MBOAT2: variants seen among roughly 807,000 people sequenced by gnomAD.
The protein encoded by MBOAT2 is membrane-bound glycerophospholipid O-acyltransferase 2.
MBOAT2 carries 28 observed loss-of-function variants against 63.4 expected under a neutral mutation model. That is an observed-to-expected ratio of 0.44 (90% CI 0.33 to 0.61). The LOEUF (loss-of-function observed/expected upper bound fraction) is 0.61. Among genes scored for constraint, MBOAT2 ranks in the 20% least tolerant of loss-of-function variants. The probability of loss-of-function intolerance (pLI) is 0.03; values close to 1 mark genes in which losing one functional copy is unlikely to be tolerated. For missense variants in MBOAT2, 470 were observed against 605.8 expected (o/e 0.78, Z 2.35); for synonymous variants, 211 against 215.6 (o/e 0.98, Z 0.19).
At chr2:8,960,677 C>T (rs1460593397) in intron 1 of MBOAT2, among the ~76,000 whole-genome samples, 2 of 152,188 alleles carry the variant, frequency 1.3e-5, no homozygotes, top group African/African-American at 2.4e-5. Flanking sequence ...GGACCACACA[C>T]ATACAGGATT....
intron 2 of MBOAT2, among the ~76,000 whole-genome samples, chr2:8,954,200 C>G (rs1452013520): frequency 6.6e-6 from 1 of 152,094 alleles, no homozygotes; most frequent in Non-Finnish European, 1.5e-5. Context: ...CTATACACTT[C>G]TTTTGGCAGG....
rs1558540966 is a variant in MBOAT2 at position 8,858,705 on chromosome 2, A to G, written c.1537T>C (p.Ser513Pro). ...NVCNQNQEIA[S>P]RHSSLKQ ...CACTGCTTTAGTGATGAATGTCTCGAGGCTATTTCTTGATTCTGATTGCAA... is the reference window on the plus strand; with the variant it reads ...CACTGCTTTAGTGATGAATGTCTCGGGGCTATTTCTTGATTCTGATTGCAA... The change falls in exon 13 of 13, where the codon TCG becomes CCG. Residue 513 changes from serine (S) to proline (P), a missense_variant. Ser to Pro is a moderately conservative substitution (Grantham distance 74). Transcript: ENST00000305997. 1.9e-6 allele frequency: 3 copies of G among 1,612,742 alleles called. No individual in the cohort carries two copies. Among genetic ancestry groups the G allele is most frequent in the Non-Finnish European group, 2.5e-6 (3 of 1,179,414 alleles).
At chr2:8,873,394 C>G in intron 7 of MBOAT2, 94 bp from the exon 8 acceptor site, 1 of 1,267,066 alleles carries the variant, frequency 7.9e-7, no homozygotes, top group South Asian at 1.5e-5. Flanking sequence ...CTGAATGGAT[C>G]ATCAGTCCTA....
chr2:8,987,915 T>C (rs1404686934), intron 1 of MBOAT2, among the ~76,000 whole-genome samples: 1 of 152,196 alleles, frequency 6.6e-6, no homozygotes, highest in Non-Finnish European at 1.5e-5. Context: ...ATTTTATAAG[T>C]TTCATATGAT....
chr2:8,951,375 T>C (rs1051557215), intron 2 of MBOAT2, among the ~76,000 whole-genome samples: 3 of 152,144 alleles, frequency 2.0e-5, no homozygotes, highest in African/African-American at 7.2e-5. Flanking sequence ...TGGCTAATTT[T>C]TGTGTTTTTA....
chr2:8,922,675 A>G (rs527716311), intron 3 of MBOAT2, among the ~76,000 whole-genome samples: 1 of 152,302 alleles, frequency 6.6e-6, no homozygotes, highest in South Asian at 2.1e-4. Flanking sequence ...CCAGTAAGAG[A>G]GCTGTTCAAA....
chr2:8,894,182 TG>T (rs1327703592), intron 4 of MBOAT2, among the ~76,000 whole-genome samples: 3 of 152,156 alleles, frequency 2.0e-5, no homozygotes, highest in African/African-American at 7.2e-5. Flanking sequence ...CTCCCACTTA[TG>T]AGTGAGAACA....
chr2:8,859,526 T>C (rs886882737), intron 12 of MBOAT2, among the ~76,000 whole-genome samples: 2 of 152,172 alleles, frequency 1.3e-5, no homozygotes, highest in African/African-American at 4.8e-5. Context: ...GGATAGAAAA[T>C]CTAACCCACA....
chr2:8,871,787 G>A (rs892378032), intron 8 of MBOAT2, among the ~76,000 whole-genome samples: 8 of 152,012 alleles, frequency 5.3e-5, no homozygotes, highest in African/African-American at 1.2e-4. Context: ...AAATAAAACC[G>A]ACAGTAAAAT....
chr2:8,914,934 C>CTTTTTTTTTT (rs938665533), intron 3 of MBOAT2, among the ~76,000 whole-genome samples: 13 of 60,232 alleles, frequency 2.2e-4, no homozygotes, highest in Admixed American at 7.5e-4. Flanking sequence ...CTGGAAATTT[C>CTTTTTTTTTT]TTTTTTTTTT....
At chr2:8,998,364 A>G (rs1456136800) in intron 1 of MBOAT2, among the ~76,000 whole-genome samples, 1 of 152,236 alleles carries the variant, frequency 6.6e-6, no homozygotes, top group Admixed American at 6.5e-5. Context: ...AACCTAGAGC[A>G]TTCAAATGGC....
chr2:8,939,089 CGAAT>C (rs1667869361), intron 3 of MBOAT2, among the ~76,000 whole-genome samples: 1 of 152,158 alleles, frequency 6.6e-6, no homozygotes, highest in Admixed American at 6.5e-5. Flanking sequence ...ATAAATAAGA[CGAAT>C]GAATGAACCA....
intron 4 of MBOAT2, 75 bp from the exon 5 acceptor site, chr2:8,888,148 G>T: frequency 7.4e-7 from 1 of 1,352,086 alleles, no homozygotes; most frequent in Non-Finnish European, 1.0e-6. Flanking sequence ...TGAGTTAAGA[G>T]TTTATTCTGC....
chr2:8,886,934 G>C (rs1367143552), intron 5 of MBOAT2, among the ~76,000 whole-genome samples: 1 of 152,104 alleles, frequency 6.6e-6, no homozygotes, highest in Non-Finnish European at 1.5e-5. Context: ...TAACAGGGTC[G>C]AGTGAGTTTC....
chr2:8,974,468 A>G, intron 1 of MBOAT2: 1 of 456,096 alleles, frequency 2.2e-6, no homozygotes. Flanking sequence ...CAGAACAGAA[A>G]GATTAAAGAA....
At chr2:8,926,430 A>AG (rs1335260234) in intron 3 of MBOAT2, among the ~76,000 whole-genome samples, 1 of 152,202 alleles carries the variant, frequency 6.6e-6, no homozygotes, top group Non-Finnish European at 1.5e-5. Context: ...TATTAAGAAA[A>AG]GGGGGAAAAG....
intron 2 of MBOAT2, among the ~76,000 whole-genome samples, chr2:8,952,837 A>C (rs62104441): frequency 1.3e-5 from 2 of 151,668 alleles, no homozygotes; most frequent in African/African-American, 4.9e-5. Flanking sequence ...ATCTTTCTCC[A>C]ACCCTTTACT....
intron 3 of MBOAT2, among the ~76,000 whole-genome samples, chr2:8,932,556 C>T (rs1387729806): frequency 6.6e-6 from 1 of 152,068 alleles, no homozygotes; most frequent in Admixed American, 6.6e-5. Context: ...AAATTCTTTA[C>T]AAGAATCTCA....
chr2:8,963,221 G>A (rs535814864), intron 1 of MBOAT2, among the ~76,000 whole-genome samples: 274 of 149,984 alleles, frequency 1.8e-3, no homozygotes, highest in African/African-American at 6.3e-3. Context: ...CTAGGCAACA[G>A]AGTGAGAGCC....
Sources: gnomAD v4.1 joint callset for allele counts (sites outside exome capture counted in the v4.1 genomes callset) on GRCh38, gnomAD v4.1.1 for gene constraint, MANE v1.5 for transcripts, NCBI Gene and HGNC (gene_info 2026-07-23, HGNC 2026-07-21) for gene names.